Variants in THTPA observed in about 807,000 individuals in gnomAD.
The protein encoded by THTPA is thiamine-triphosphatase.
Under a neutral mutation model 16.5 loss-of-function variants are expected in THTPA, and 16 were observed. The ratio of observed to expected loss-of-function variants is 0.97; its 90% CI spans 0.66 to 1.47. The LOEUF (loss-of-function observed/expected upper bound fraction) is 1.47. Ranked by LOEUF, THTPA falls within the 40% of genes most tolerant of loss-of-function variation. THTPA has a pLI of 0.00. For missense variants in THTPA, 281 were observed against 280.9 expected (o/e 1.00, Z 0.00); for synonymous variants, 110 against 115.5 (o/e 0.95, Z 0.30).
At chr14:23,520,589 A>G in the THTPA span, among the ~76,000 whole-genome samples, 6 of 152,178 alleles carry the variant, frequency 3.9e-5, no homozygotes, top group Non-Finnish European at 7.3e-5. This position sits in a 1 kb window ranked among gnomAD's most constrained non-coding sequence, Gnocchi z 8.7. Flanking sequence ...ACCTGTCCTG[A>G]TAAATACCCA....
the THTPA span, chr14:23,533,667 T>G: frequency 6.5e-7 from 1 of 1,537,492 alleles, no homozygotes; most frequent in Non-Finnish European, 8.7e-7. This position sits in a 1 kb window ranked among gnomAD's most constrained non-coding sequence, Gnocchi z 4.8. Context: ...AGGGTGGGAG[T>G]GATGCCTCTG....
At chr14:23,520,813 A>G in the THTPA span, 2 of 144,220 alleles carry the variant, frequency 1.4e-5, no homozygotes, top group Non-Finnish European at 3.0e-5. This position sits in a 1 kb window ranked among gnomAD's most constrained non-coding sequence, Gnocchi z 8.7. Flanking sequence ...TGGGGGTGGG[A>G]CAGGGAGCAG....
Position 23,559,792 on chromosome 14 carries a change from T to A in THTPA, c.*952T>A. 6.2e-7 allele frequency: 1 copy of A among 1,614,112 alleles called. No homozygotes were observed. The highest frequency in any genetic ancestry group is 8.5e-7 in the Non-Finnish European group (1 of 1,180,022). On this transcript the variant is annotated 3_prime_UTR_variant, in exon 2 of 2. Coordinates refer to ENST00000288014, the MANE Select transcript of THTPA (RefSeq NM_024328.6). ...AGGCAAGTTGTTCACCTCAAAGATC[T>A]CCTGCACCGACTGGTGAAAGTGGTC...
the THTPA span, among the ~76,000 whole-genome samples, chr14:23,535,643 A>G: frequency 6.6e-6 from 1 of 151,950 alleles, no homozygotes; most frequent in East Asian, 1.9e-4. This position sits in a 1 kb window ranked among gnomAD's most constrained non-coding sequence, Gnocchi z 4.5. Context: ...CCCAGGATGG[A>G]GTGCAATGGC....
chr14:23,544,826 C>T, the THTPA span, among the ~76,000 whole-genome samples: 8 of 152,306 alleles, frequency 5.3e-5, no homozygotes, highest in Middle Eastern at 3.4e-3. Context: ...CACGTTCTTT[C>T]CCTCCGGCTC....
chr14:23,534,736 G>A, the THTPA span: 16 of 1,536,168 alleles, frequency 1.0e-5, no homozygotes, highest in Admixed American at 3.9e-5. The surrounding 1 kb of genome is among the most constrained non-coding windows in gnomAD (Gnocchi z 4.5). Flanking sequence ...ACAGGCAGCC[G>A]GAGATGGTGC....
chr14:23,557,126 T>G lies in THTPA; in HGVS notation c.369T>G (p.Thr123=), dbSNP rs1454340406. 1 of 1,614,066 alleles carries G rather than the reference T, an allele frequency of 6.2e-7. No homozygotes were observed. Among genetic ancestry groups the G allele is most frequent in the African/African-American group, 1.3e-5 (1 of 74,908 alleles). ...TGCAGGAAGTAGCTAGTTTTGTGACTAAGCGGAGTGCCTGGAAGCTGGTGC... is the reference window on the plus strand; with the variant it reads ...TGCAGGAAGTAGCTAGTTTTGTGACGAAGCGGAGTGCCTGGAAGCTGGTGC... ...LGLQEVASFV[T]KRSAWKLVLL... The change falls in exon 1 of 2, where the codon ACT becomes ACG. Residue 123 remains threonine (T), a synonymous_variant. Coordinates refer to ENST00000288014, the MANE Select transcript of THTPA (RefSeq NM_024328.6).
At position 23,556,843 on chromosome 14, in the gene THTPA, T is replaced by C. The variant is rs370277220; in HGVS notation, c.86T>C (p.Leu29Pro). 4.3e-6 allele frequency: 7 copies of C among 1,613,128 alleles called. No individual in the cohort carries two copies. Among genetic ancestry groups the C allele is most frequent in the Non-Finnish European group, 5.9e-6 (7 of 1,179,558 alleles). ...EERLQELGGT[L>P]EYRVTFRDTY... ...CGGCTGCAGGAGTTGGGGGGCACCC[T>C]GGAGTACCGGGTCACCTTCCGAGAC... The change falls in exon 1 of 2, where the codon CTG becomes CCG. Residue 29 changes from leucine (L) to proline (P), a missense_variant. Transcript: ENST00000288014.
the THTPA span, chr14:23,523,325 G>T: frequency 1.4e-6 from 2 of 1,454,240 alleles, no homozygotes; most frequent in Non-Finnish European, 9.0e-7. The surrounding 1 kb of genome is among the most constrained non-coding windows in gnomAD (Gnocchi z 4.1). Flanking sequence ...AGGTGTGGTG[G>T]CAGGTGGGGC....
upstream of THTPA, among the ~76,000 whole-genome samples, chr14:23,554,868 T>C (rs1165887715): frequency 6.6e-6 from 1 of 152,142 alleles, no homozygotes; most frequent in African/African-American, 2.4e-5. Context: ...ACATGGAAGG[T>C]CAGACATATA....
Position 23,559,907 on chromosome 14 carries a change from G to A in THTPA, c.*1067G>A, listed in dbSNP as rs774928254. Reference sequence around the variant, plus strand: ...CACCCACGGCTTCTTCTATCCCTGGGTCTTGTCTTGGGGGAACTCCTGAAG... The same window carrying A: ...CACCCACGGCTTCTTCTATCCCTGGATCTTGTCTTGGGGGAACTCCTGAAG... On this transcript the variant is annotated 3_prime_UTR_variant, in exon 2 of 2. Coordinates refer to ENST00000288014, the MANE Select transcript of THTPA (RefSeq NM_024328.6). 5 of 1,611,064 alleles carry A rather than the reference G, an allele frequency of 3.1e-6. No individual in the cohort carries two copies. The highest frequency in any genetic ancestry group is 4.2e-6 in the Non-Finnish European group (5 of 1,177,658).
At chr14:23,528,597 TCTGTGAACCATCAC>T in the THTPA span, 4 of 985,270 alleles carry the variant, frequency 4.1e-6, no homozygotes, top group Non-Finnish European at 4.8e-6. Flanking sequence ...CCACTCTGCC[TCTGTGAACCATCAC>T]CTGGAAAGGG....
the THTPA span, chr14:23,534,162 T>TG: frequency 1.4e-6 from 2 of 1,471,890 alleles, no homozygotes; most frequent in Non-Finnish European, 1.8e-6. The surrounding 1 kb of genome is among the most constrained non-coding windows in gnomAD (Gnocchi z 4.5). Context: ...TTTGGTTGAG[T>TG]GGGGGGCAGA....
chr14:23,558,698 T>A lies in THTPA; in HGVS notation c.551T>A (p.Val184Glu), dbSNP rs1882879313. Residue 184 changes from valine to glutamate, a missense_variant, in exon 2 of 2, where the codon GTG (valine) becomes GAG (glutamate). Physicochemically the swap from Val to Glu is moderately radical, Grantham distance 121. Transcript: ENST00000288014. ...KIHRLSSMLG[V>E]PAQETAPAKL... Reference sequence around the variant, plus strand: ...CTCATTGTCCTTTTACCTGTAGGTGTGCCTGCACAGGAGACAGCACCAGCC... The same window carrying A: ...CTCATTGTCCTTTTACCTGTAGGTGAGCCTGCACAGGAGACAGCACCAGCC... 1.2e-6 allele frequency: 2 copies of A among 1,614,208 alleles called. No homozygotes were observed. The highest frequency in any genetic ancestry group is 4.5e-5 in the East Asian group (2 of 44,884).
chr14:23,522,513 G>A, the THTPA span: 3 of 1,531,702 alleles, frequency 2.0e-6, no homozygotes, highest in Non-Finnish European at 2.6e-6. Context: ...ATGAGGGTCT[G>A]AGGTATCATG....
chr14:23,534,903 G>T, the THTPA span: 1 of 1,536,170 alleles, frequency 6.5e-7, no homozygotes, highest in Non-Finnish European at 8.7e-7. This position sits in a 1 kb window ranked among gnomAD's most constrained non-coding sequence, Gnocchi z 4.5. Context: ...CCCAGGGGAA[G>T]CCCTTTGGTA....
At chr14:23,544,467 A>G in the THTPA span, among the ~76,000 whole-genome samples, 1 of 152,198 alleles carries the variant, frequency 6.6e-6, no homozygotes, top group Non-Finnish European at 1.5e-5. Flanking sequence ...GGCAGCTGGT[A>G]ACCTGGCTGT....
At position 23,556,409 on chromosome 14, in the gene THTPA, C is replaced by G; in HGVS notation, c.-349C>G. 1 of 252,140 alleles carries G rather than the reference C, an allele frequency of 4.0e-6. No homozygotes were observed. Among genetic ancestry groups the G allele is most frequent in the Non-Finnish European group, 7.7e-6 (1 of 130,274 alleles). The allele number at this position is 252,140 out of a possible 1,614,324, so 15.6% of individuals were successfully genotyped here. ...AGGGCAGGTCCTCCCGGGTCGTGAG[C>G]CAGTAGCCTCCTGGGGTGGCAAGGT... On this transcript the variant is annotated 5_prime_UTR_variant, in exon 1 of 2. Coordinates refer to ENST00000288014, the MANE Select transcript of THTPA (RefSeq NM_024328.6).
the THTPA span, chr14:23,534,574 GC>G: frequency 6.5e-7 from 1 of 1,536,126 alleles, no homozygotes; most frequent in Non-Finnish European, 8.7e-7. The surrounding 1 kb of genome is among the most constrained non-coding windows in gnomAD (Gnocchi z 4.5). Context: ...ATCCATAAAG[GC>G]CTGGGGCTTG....
Sources: allele counts gnomAD v4.1 joint callset (sites outside exome capture counted in the v4.1 genomes callset), GRCh38; gene constraint gnomAD v4.1.1; non-coding constraint Gnocchi (gnomAD v3.1); transcripts MANE v1.5; gene names NCBI Gene and HGNC (gene_info 2026-07-23, HGNC 2026-07-21).